The following PGM5 variants were observed in gnomAD, a reference collection of about 807,000 sequenced individuals.
PGM5 encodes the protein phosphoglucomutase-like protein 5.
PGM5 carries 23 observed loss-of-function variants against 59.2 expected under a neutral mutation model. The ratio of observed to expected loss-of-function variants is 0.39; its 90% CI spans 0.28 to 0.55. PGM5 has a LOEUF of 0.55. PGM5 is among the 20% of genes least tolerant of loss of function. The probability of loss-of-function intolerance (pLI) is 0.66; values close to 1 mark genes in which losing one functional copy is unlikely to be tolerated. For synonymous variants in PGM5, 214 were observed against 286.0 expected (o/e 0.75, Z 2.54); for missense variants, 574 against 748.3 (o/e 0.77, Z 2.72).
chr9:68,414,782 G>C (rs1226256588), intron 6 of PGM5, among the ~76,000 whole-genome samples: 1 of 148,998 alleles, frequency 6.7e-6, no homozygotes, highest in African/African-American at 2.5e-5. Context: ...AAAGGCTTCA[G>C]AGAAGAGGAG....
At chr9:68,424,177 G>A (rs571125709) in intron 6 of PGM5, among the ~76,000 whole-genome samples, 1 of 152,302 alleles carries the variant, frequency 6.6e-6, no homozygotes, top group Non-Finnish European at 1.5e-5. Flanking sequence ...GTTTAGTGTA[G>A]AAAAGACTCA....
At chr9:68,443,842 T>C (rs1433322699) in intron 6 of PGM5, among the ~76,000 whole-genome samples, 1 of 152,256 alleles carries the variant, frequency 6.6e-6, no homozygotes, top group African/African-American at 2.4e-5. Flanking sequence ...TTTAAAGTAA[T>C]GGAGCCCTGC....
chr9:68,410,213 C>T (rs1198515577), intron 6 of PGM5, among the ~76,000 whole-genome samples: 4 of 152,232 alleles, frequency 2.6e-5, no homozygotes, highest in Non-Finnish European at 5.9e-5. Context: ...ATAGTTGACA[C>T]TTTTGCATAT....
intron 9 of PGM5, among the ~76,000 whole-genome samples, chr9:68,485,369 T>C (rs1003198184): frequency 2.6e-5 from 4 of 152,150 alleles, no homozygotes; most frequent in African/African-American, 9.7e-5. Context: ...GTAGCTCCCA[T>C]AATCCCCACG....
chr9:68,474,492 AAGT>A (rs1371272432), intron 7 of PGM5, among the ~76,000 whole-genome samples: 1 of 152,042 alleles, frequency 6.6e-6, no homozygotes, highest in Non-Finnish European at 1.5e-5. Context: ...TGCCTAGCTC[AAGT>A]AGCATGGTTT....
At chr9:68,409,073 C>T (rs1454137918) in intron 6 of PGM5, among the ~76,000 whole-genome samples, 1 of 151,992 alleles carries the variant, frequency 6.6e-6, no homozygotes, top group Non-Finnish European at 1.5e-5. Context: ...TTTTTTGGTT[C>T]CATATGAACT....
At chr9:68,503,147 G>A (rs1824604898) in intron 10 of PGM5, among the ~76,000 whole-genome samples, 1 of 152,050 alleles carries the variant, frequency 6.6e-6, no homozygotes. Context: ...ATAAAGTATA[G>A]AGCCATTTTG....
chr9:68,522,187 A>G (rs1824908788), intron 10 of PGM5, among the ~76,000 whole-genome samples: 1 of 152,178 alleles, frequency 6.6e-6, no homozygotes. Context: ...CCCAAGAGGC[A>G]AAAGTTGCAG....
chr9:68,530,336 T>C lies in PGM5; in HGVS notation c.*680T>C, dbSNP rs149984610. On this transcript the variant is annotated 3_prime_UTR_variant, in exon 11 of 11. Transcript: ENST00000396396. ...TCTCTTATTTTGTAAATAGTATTAT[T>C]TTAGCTATTAAGCTGGATACCTTCT... is the stretch of plus-strand genomic sequence containing the variant. The C allele has an allele frequency of 6.6e-6, 1 of 152,344 alleles. No individual in the cohort carries two copies. The highest frequency in any genetic ancestry group is 1.9e-4 in the East Asian group (1 of 5,180). 9.4% of individuals were successfully genotyped at this position (152,344 alleles called of 1,614,324 possible). A position where few individuals can be genotyped will look rare whatever the true frequency, so the allele number is the denominator to read the frequency against.
intron 6 of PGM5, among the ~76,000 whole-genome samples, chr9:68,415,510 G>T (rs1554681903): frequency 6.9e-6 from 1 of 145,170 alleles, no homozygotes; most frequent in Non-Finnish European, 1.5e-5. Flanking sequence ...CAGAAATGTG[G>T]ACAGCTGAAG....
chr9:68,388,464 A>C (rs1232420776), intron 4 of PGM5, among the ~76,000 whole-genome samples: 2 of 150,214 alleles, frequency 1.3e-5, no homozygotes, highest in African/African-American at 4.9e-5. Flanking sequence ...TCATCATGAA[A>C]TCTCCCTTTA....
intron 10 of PGM5, among the ~76,000 whole-genome samples, chr9:68,510,238 G>A (rs372046214): frequency 6.4e-5 from 9 of 139,592 alleles, no homozygotes; most frequent in South Asian, 2.3e-4. Flanking sequence ...TGCAAGCTCC[G>A]CCTCCTGGGT....
intron 10 of PGM5, among the ~76,000 whole-genome samples, chr9:68,513,996 G>A (rs1488191567): frequency 1.3e-5 from 2 of 152,196 alleles, no homozygotes; most frequent in African/African-American, 4.8e-5. Flanking sequence ...CTTTTACACT[G>A]TTTTTAACAG....
At chr9:68,504,707 A>T (rs1333184926) in intron 10 of PGM5, among the ~76,000 whole-genome samples, 2 of 150,968 alleles carry the variant, frequency 1.3e-5, no homozygotes, top group African/African-American at 2.4e-5. Context: ...TATCCTCATC[A>T]TATATATATA....
chr9:68,412,456 A>G (rs1554681669), intron 6 of PGM5, among the ~76,000 whole-genome samples: 2 of 152,130 alleles, frequency 1.3e-5, no homozygotes, highest in African/African-American at 4.8e-5. Flanking sequence ...ATTCCCATTT[A>G]CTCAGTGTTC....
intron 6 of PGM5, among the ~76,000 whole-genome samples, chr9:68,454,578 G>A (rs1405195223): frequency 6.6e-6 from 1 of 152,262 alleles, no homozygotes; most frequent in South Asian, 2.1e-4. Flanking sequence ...GGGGATCCAG[G>A]GCTCCCAGGC....
chr9:68,395,180 G>A (rs1444522964), intron 6 of PGM5, among the ~76,000 whole-genome samples: 1 of 151,984 alleles, frequency 6.6e-6, no homozygotes, highest in East Asian at 1.9e-4. Context: ...GGTAGGGGTC[G>A]AGGTTCACTT....
intron 6 of PGM5, among the ~76,000 whole-genome samples, chr9:68,453,097 A>T (rs1387000519): frequency 6.6e-6 from 1 of 152,186 alleles, no homozygotes; most frequent in Non-Finnish European, 1.5e-5. Flanking sequence ...CTCTGTGTAA[A>T]TGTGAGAAAT....
chr9:68,447,166 G>A (rs2132067259), intron 6 of PGM5, among the ~76,000 whole-genome samples: 1 of 152,294 alleles, frequency 6.6e-6, no homozygotes, highest in South Asian at 2.1e-4. Flanking sequence ...GCCGGAGGGA[G>A]GGACATGTCT....
Sources: gnomAD v4.1 joint callset for allele counts (sites outside exome capture counted in the v4.1 genomes callset) on GRCh38, gnomAD v4.1.1 for gene constraint, MANE v1.5 for transcripts, NCBI Gene and HGNC (gene_info 2026-07-23, HGNC 2026-07-21) for gene names.